ZBTB18: variants seen among roughly 807,000 people sequenced by gnomAD.
ZBTB18 encodes the protein zinc finger and BTB domain containing 18.
ZBTB18 carries 2 observed loss-of-function variants against 37.7 expected under a neutral mutation model. The ratio of observed to expected loss-of-function variants is 0.05; its 90% CI spans 0.02 to 0.17. The LOEUF (loss-of-function observed/expected upper bound fraction) is 0.17. ZBTB18 is among the 10% of genes least tolerant of loss of function. The pLI is 1.00. For missense variants in ZBTB18, 408 were observed against 686.3 expected, an observed-to-expected ratio of 0.59 and a Z score of 4.53; for synonymous variants, 304 against 276.5, an observed-to-expected ratio of 1.10 and a Z score of -0.99.
In ZBTB18 at chr1:244,053,826, C is replaced by T; in HGVS notation, c.52C>T (p.His18Tyr). The T allele has an allele frequency of 6.2e-7, 1 of 1,614,098 alleles. No homozygotes were observed. The highest frequency in any genetic ancestry group is 8.5e-7 in the Non-Finnish European group (1 of 1,179,984). Residue 18 changes from histidine to tyrosine, a missense_variant, in exon 2 of 2, where the codon CAT (histidine) becomes TAT (tyrosine). By Grantham distance (83) the His-to-Tyr change is moderately conservative. Transcript: ENST00000358704. The surrounding 1 kb of genome is among the most constrained non-coding windows in gnomAD (Gnocchi z 5.2). ...DSMEFPDHSR[H>Y]LLQCLSEQRH... ...TATGGAGTTTCCAGACCATAGTAGA[C>T]ATTTGCTACAGTGTCTGAGCGAGCA...
Position 244,053,261 on chromosome 1 carries a change from C to G in ZBTB18, c.14-527C>G, listed in dbSNP as rs1474658931. ...ATTTCATTTTTTTTTCTTGATTCAGCCAAATGTGTGTGTGTGTGTTTAAAC... is the reference window on the plus strand; with the variant it reads ...ATTTCATTTTTTTTTCTTGATTCAGGCAAATGTGTGTGTGTGTGTTTAAAC... On this transcript the variant is annotated intron_variant, in intron 1 of 1. Transcript: ENST00000358704. This position sits in a 1 kb window ranked among gnomAD's most constrained non-coding sequence, Gnocchi z 5.2. 6.6e-6 allele frequency among the ~76,000 whole-genome samples: 1 copy of G among 151,800 alleles called. No individual in the cohort carries two copies. The highest frequency in any genetic ancestry group is 1.5e-5 in the Non-Finnish European group (1 of 67,922).
rs1257149619 is a variant in ZBTB18 at position 244,055,181 on chromosome 1, C to T, written c.1407C>T (p.His469=). The T allele has an allele frequency of 1.9e-6, 3 of 1,614,068 alleles. No individual in the cohort carries two copies. The highest frequency in any genetic ancestry group is 2.5e-6 in the Non-Finnish European group (3 of 1,180,022). The change falls in exon 2 of 2, where the codon CAC becomes CAT. Residue 469 remains histidine (H), a synonymous_variant. Coordinates refer to ENST00000358704, the MANE Select transcript of ZBTB18 (RefSeq NM_205768.3). This position sits in a 1 kb window ranked among gnomAD's most constrained non-coding sequence, Gnocchi z 7.0. ...ACCTGAGCCGCCATGCCGTGGTGCACACCCGCGAGAAGCCGCACGCCTGCA... is the reference window on the plus strand; with the variant it reads ...ACCTGAGCCGCCATGCCGTGGTGCATACCCGCGAGAAGCCGCACGCCTGCA... ...SHNLSRHAVV[H]TREKPHACKW...
At chr1:244,049,719 C>T (rs1026505680), upstream of ZBTB18, among the ~76,000 whole-genome samples, 5 of 152,192 alleles carry the variant, frequency 3.3e-5, no homozygotes, top group Non-Finnish European at 5.9e-5. Flanking sequence ...GTTTTATGCA[C>T]GGCGAACTAC....
upstream of ZBTB18, among the ~76,000 whole-genome samples, chr1:244,049,935 T>G (rs1698315445): frequency 1.3e-5 from 2 of 152,112 alleles, no homozygotes; most frequent in Admixed American, 1.3e-4. Flanking sequence ...AATGGGGTGA[T>G]TAATGTCTGA....
At position 244,055,413 on chromosome 1, in the gene ZBTB18, T is replaced by A; in HGVS notation, c.*43T>A. The A allele has an allele frequency of 1.6e-6, 1 of 638,162 alleles. No homozygotes were observed. Among genetic ancestry groups the A allele is most frequent in the African/African-American group, 1.9e-5 (1 of 51,798 alleles). 39.5% of individuals were successfully genotyped at this position (638,162 alleles called of 1,614,324 possible). On this transcript the variant is annotated 3_prime_UTR_variant, in exon 2 of 2. Transcript: ENST00000358704. This position sits in a 1 kb window ranked among gnomAD's most constrained non-coding sequence, Gnocchi z 7.0. ...TAATATATATATATATACATATATA[T>A]AAATAGATCTCTATATAGTTGTGGT...
chr1:244,050,234 T>G (rs1052234599), upstream of ZBTB18, among the ~76,000 whole-genome samples: 1 of 152,084 alleles, frequency 6.6e-6, no homozygotes, highest in African/African-American at 2.4e-5. Flanking sequence ...CCCCTCGCCC[T>G]CCCAAGAGTC....
In ZBTB18 at chr1:244,055,474, A is replaced by C; in HGVS notation, c.*104A>C. The C allele has an allele frequency of 2.7e-6, 1 of 375,470 alleles. No individual in the cohort carries two copies. The highest frequency in any genetic ancestry group is 4.1e-6 in the Non-Finnish European group (1 of 241,226). 23.3% of individuals were successfully genotyped at this position (375,470 alleles called of 1,614,324 possible). On this transcript the variant is annotated 3_prime_UTR_variant, in exon 2 of 2. Transcript: ENST00000358704. This position sits in a 1 kb window ranked among gnomAD's most constrained non-coding sequence, Gnocchi z 7.0. ...AGCAGTCTTGTTTCCTGGAAATAAA[A>C]AGTTGGGATATTAACTTGTTTTTGC...
rs1487242604 is a variant in ZBTB18 at position 244,051,305 on chromosome 1, A to G, written c.-127A>G. ...GTTAGTGTGTGCGGATCTGTGGTGG[A>G]GAAGGTATCTCATTCCTCTCTAACA... On this transcript the variant is annotated 5_prime_UTR_variant, in exon 1 of 2. Transcript: ENST00000358704. 1 of 977,274 alleles carries G rather than the reference A, an allele frequency of 1.0e-6. No homozygotes were observed. The highest frequency in any genetic ancestry group is 2.1e-5 in the Admixed American group (1 of 48,262). 60.5% of individuals were successfully genotyped at this position (977,274 alleles called of 1,614,324 possible).
chr1:244,052,701 A>G (rs1698377913), intron 1 of ZBTB18, among the ~76,000 whole-genome samples: 1 of 152,186 alleles, frequency 6.6e-6, no homozygotes, highest in South Asian at 2.1e-4. Flanking sequence ...ATTTGCAAGA[A>G]TAGAAGCTAG....
At position 244,055,000 on chromosome 1, in the gene ZBTB18, G is replaced by C; in HGVS notation, c.1226G>C (p.Arg409Pro). The C allele has an allele frequency of 6.2e-7, 1 of 1,614,118 alleles. No homozygotes were observed. Among genetic ancestry groups the C allele is most frequent in the Non-Finnish European group, 8.5e-7 (1 of 1,180,034 alleles). Reference sequence around the variant, plus strand: ...CACTTCCGCGAGCAGGACGGCATCCGCAGCAAGCCCGCCGCCGATGTCAAC... The same window carrying C: ...CACTTCCGCGAGCAGGACGGCATCCCCAGCAAGCCCGCCGCCGATGTCAAC... ...STHFREQDGI[R>P]SKPAADVNVP... Residue 409 changes from arginine to proline, a missense_variant, in exon 2 of 2, where the codon CGC (arginine) becomes CCC (proline). By Grantham distance (103) the Arg-to-Pro change is moderately radical. This residue lies in a region of ZBTB18 where 266 missense variants were observed against 312.0 expected (regional missense o/e 0.85). Transcript: ENST00000358704. The surrounding 1 kb of genome is among the most constrained non-coding windows in gnomAD (Gnocchi z 9.0).
upstream of ZBTB18, chr1:244,048,849 G>C (rs2148551104): frequency 6.7e-6 from 1 of 149,220 alleles, no homozygotes; most frequent in Admixed American, 6.7e-5. Context: ...GCCGGGATTG[G>C]GGGGTGGGGG....
chr1:244,055,774 CTT>C lies in ZBTB18; in HGVS notation c.*406_*407del, dbSNP rs1011353095. 29 of 165,898 alleles carry C rather than the reference CTT, an allele frequency of 1.7e-4. No individual in the cohort carries two copies. The highest frequency in any genetic ancestry group is 6.1e-4 in the African/African-American group (25 of 41,086). 10.3% of individuals were successfully genotyped at this position (165,898 alleles called of 1,614,324 possible). On this transcript the variant is annotated 3_prime_UTR_variant, in exon 2 of 2. Coordinates refer to ENST00000358704, the MANE Select transcript of ZBTB18 (RefSeq NM_205768.3). The surrounding 1 kb of genome is among the most constrained non-coding windows in gnomAD (Gnocchi z 7.0). Reference sequence around the variant, plus strand: ...AAATTCCCTCCAGTTTTATTAGCCTCTTTATATGTCTCAAATTGCATGAATTT... The same window carrying C: ...AAATTCCCTCCAGTTTTATTAGCCTCTATATGTCTCAAATTGCATGAATTT...
At position 244,055,151 on chromosome 1, in the gene ZBTB18, G is replaced by T. The variant is rs148822385; in HGVS notation, c.1377G>T (p.Ser459=). The change falls in exon 2 of 2, where the codon TCG becomes TCT. Residue 459 remains serine (S), a synonymous_variant. Coordinates refer to ENST00000358704, the MANE Select transcript of ZBTB18 (RefSeq NM_205768.3). This position sits in a 1 kb window ranked among gnomAD's most constrained non-coding sequence, Gnocchi z 7.0. ...AGTGCGGCAAGAGCTTCCAGTACTC[G>T]CACAACCTGAGCCGCCATGCCGTGG... is the stretch of plus-strand genomic sequence containing the variant. The part of the protein sequence containing the change: ...CTQCGKSFQY[S]HNLSRHAVVH... 3 of 1,613,944 alleles carry T rather than the reference G, an allele frequency of 1.9e-6. No individual in the cohort carries two copies. The highest frequency in any genetic ancestry group is 2.7e-5 in the African/African-American group (2 of 74,928).
chr1:244,050,435 C>CA (rs1553269741), upstream of ZBTB18, among the ~76,000 whole-genome samples: 262 of 2,002 alleles, frequency 0.13, 1 homozygote, highest in African/African-American at 0.29. Context: ...ATTAGAGTGA[C>CA]CCCCCCCCAA....
At position 244,055,434 on chromosome 1, in the gene ZBTB18, G is replaced by A; in HGVS notation, c.*64G>A. On this transcript the variant is annotated 3_prime_UTR_variant, in exon 2 of 2. Transcript: ENST00000358704. This position sits in a 1 kb window ranked among gnomAD's most constrained non-coding sequence, Gnocchi z 7.0. ...TATATAAATAGATCTCTATATAGTT[G>A]TGGTACGGTCTAAAAGCAGTCTTGT... The A allele has an allele frequency of 1.7e-6, 1 of 591,768 alleles. No individual in the cohort carries two copies. Among genetic ancestry groups the A allele is most frequent in the Non-Finnish European group, 2.3e-6 (1 of 427,448 alleles). The allele number at this position is 591,768 out of a possible 1,614,324, so 36.7% of individuals were successfully genotyped here.
chr1:244,056,304 G>A lies in ZBTB18; in HGVS notation c.*934G>A, dbSNP rs1161177187. 1 of 167,010 alleles carries A rather than the reference G, an allele frequency of 6.0e-6. No homozygotes were observed. Among genetic ancestry groups the A allele is most frequent in the African/African-American group, 2.4e-5 (1 of 41,418 alleles). 10.3% of individuals were successfully genotyped at this position (167,010 alleles called of 1,614,324 possible). A position where few individuals can be genotyped will look rare whatever the true frequency, so the allele number is the denominator to read the frequency against. ...AACTGGTGTTATGAAGAACGTAAAT[G>A]CACTGTTTTTATTTTTATTTTATAT... On this transcript the variant is annotated 3_prime_UTR_variant, in exon 2 of 2. Coordinates refer to ENST00000358704, the MANE Select transcript of ZBTB18 (RefSeq NM_205768.3).
chr1:244,051,296 C>A lies in ZBTB18; in HGVS notation c.-136C>A. ...AGACAGGGAGTTAGTGTGTGCGGAT[C>A]TGTGGTGGAGAAGGTATCTCATTCC... On this transcript the variant is annotated 5_prime_UTR_variant, in exon 1 of 2. It adds an upstream start codon to the 5' untranslated region. Transcript: ENST00000358704. 2 of 882,832 alleles carry A rather than the reference C, an allele frequency of 2.3e-6. No individual in the cohort carries two copies. The highest frequency in any genetic ancestry group is 3.6e-6 in the Non-Finnish European group (2 of 553,440). The allele number at this position is 882,832 out of a possible 1,614,324, so 54.7% of individuals were successfully genotyped here. A position where few individuals can be genotyped will look rare whatever the true frequency, so the allele number is the denominator to read the frequency against.
intron 1 of ZBTB18, among the ~76,000 whole-genome samples, chr1:244,052,913 T>G (rs1698381802): frequency 6.6e-6 from 1 of 152,226 alleles, no homozygotes; most frequent in Non-Finnish European, 1.5e-5. Context: ...AATATGAAAC[T>G]CATTTTGCCT....
In ZBTB18 at chr1:244,054,336, G is replaced by A. The variant is rs747598258; in HGVS notation, c.562G>A (p.Glu188Lys). 9.9e-6 allele frequency: 16 copies of A among 1,614,044 alleles called. No homozygotes were observed. Among genetic ancestry groups the A allele is most frequent in the African/African-American group, 1.3e-5 (1 of 74,922 alleles). The change falls in exon 2 of 2, where the codon GAG becomes AAG. Residue 188 changes from glutamate to lysine, a missense_variant. Around this residue, in one of 4 missense-constraint regions of ZBTB18, gnomAD observed 266 missense variants for 312.0 expected, o/e 0.85. Transcript: ENST00000358704. This position sits in a 1 kb window ranked among gnomAD's most constrained non-coding sequence, Gnocchi z 9.0. ...ILPSKRDLAAEPGNMWMRLPS... is the reference protein window; with the variant it reads ...ILPSKRDLAAKPGNMWMRLPS... Reference sequence around the variant, plus strand: ...GCCCAGCAAAAGGGACTTGGCGGCCGAGCCTGGGAACATGTGGATGCGATT... The same window carrying A: ...GCCCAGCAAAAGGGACTTGGCGGCCAAGCCTGGGAACATGTGGATGCGATT...
Sources: gnomAD v4.1 joint callset for allele counts (sites outside exome capture counted in the v4.1 genomes callset) on GRCh38, gnomAD v4.1.1 for gene constraint, gnomAD v4.1.1 regional missense constraint, Gnocchi (gnomAD v3.1) non-coding constraint, MANE v1.5 for transcripts, NCBI Gene and HGNC (gene_info 2026-07-23, HGNC 2026-07-21) for gene names.